PSMA1: variants seen among roughly 807,000 people sequenced by gnomAD.
PSMA1 encodes the protein proteasome subunit alpha type-1.
Under a neutral mutation model 38.4 loss-of-function variants are expected in PSMA1, and 3 were observed. The ratio of observed to expected loss-of-function variants is 0.08; its 90% CI spans 0.04 to 0.20. PSMA1 has a LOEUF of 0.20. Among genes scored for constraint, PSMA1 ranks in the 10% least tolerant of loss-of-function variants. The pLI, the probability that PSMA1 is intolerant of heterozygous loss-of-function variation, is 1.00. For synonymous variants in PSMA1, 101 were observed against 107.1 expected (o/e 0.94, Z 0.35); for missense variants, 227 against 325.3 (o/e 0.70, Z 2.32).
At chr11:14,585,447 T>A (rs1852333634) in intron 2 of PSMA1, among the ~76,000 whole-genome samples, 1 of 152,240 alleles carries the variant, frequency 6.6e-6, no homozygotes, top group African/African-American at 2.4e-5. Flanking sequence ...TAGGAAACAT[T>A]GTGAAGGATG....
chr11:14,529,635 T>A (rs997331555), intron 2 of PSMA1, among the ~76,000 whole-genome samples: 7 of 152,248 alleles, frequency 4.6e-5, no homozygotes, highest in African/African-American at 1.2e-4. Flanking sequence ...GCTTGGCAGA[T>A]GTTTACAGTT....
chr11:14,637,400 T>C (rs1853123369), intron 1 of PSMA1, among the ~76,000 whole-genome samples: 1 of 152,254 alleles, frequency 6.6e-6, no homozygotes, highest in Non-Finnish European at 1.5e-5. Flanking sequence ...CATTTTGCAC[T>C]GTACTGCATT....
In PSMA1 at chr11:14,517,985, A is replaced by C; in HGVS notation, c.49-4T>G. The C allele has an allele frequency of 6.4e-7, 1 of 1,569,662 alleles. No homozygotes were observed. Among genetic ancestry groups the C allele is most frequent in the Non-Finnish European group, 8.6e-7 (1 of 1,161,028 alleles). ...ATTCAATTTGATGAATCCTGCCCTA[A>C]AGAAAAAAAAAACAAAAAACACACA... On this transcript the variant is annotated splice_region_variant and splice_polypyrimidine_tract_variant and intron_variant, in intron 2 of 9. Coordinates refer to ENST00000396394, the MANE Select transcript of PSMA1 (RefSeq NM_002786.4).
At chr11:14,579,192 T>G (rs912825468) in intron 2 of PSMA1, among the ~76,000 whole-genome samples, 35 of 152,328 alleles carry the variant, frequency 2.3e-4, no homozygotes, top group African/African-American at 7.0e-4. Flanking sequence ...CATAAATCTA[T>G]CCTTTTACTA....
chr11:14,618,221 T>C (rs1347072579), intron 1 of PSMA1, among the ~76,000 whole-genome samples: 2 of 152,224 alleles, frequency 1.3e-5, no homozygotes, highest in Non-Finnish European at 2.9e-5. Context: ...TATCCTGCTT[T>C]TCTAGCTTGT....
At chr11:14,634,773 T>A (rs1157959918) in intron 1 of PSMA1, among the ~76,000 whole-genome samples, 1 of 152,216 alleles carries the variant, frequency 6.6e-6, no homozygotes, top group Non-Finnish European at 1.5e-5. Context: ...AGCTAATATA[T>A]CCCTTCATTC....
chr11:14,548,001 A>C (rs1371152899), intron 2 of PSMA1, among the ~76,000 whole-genome samples: 2 of 151,702 alleles, frequency 1.3e-5, no homozygotes, highest in African/African-American at 2.4e-5. Context: ...CAAGATCCTG[A>C]GAGATCACTA....
At chr11:14,517,596 C>T (rs1015456180) in intron 4 of PSMA1, 46 bp downstream of exon 4, 10 of 1,402,836 alleles carry the variant, frequency 7.1e-6, no homozygotes, top group Non-Finnish European at 7.8e-6. Context: ...GAAAACTAAT[C>T]AATTATGAAA....
rs113848673 is a variant in PSMA1 at position 14,603,160 on chromosome 11, T to C, written c.21+7806A>G. Among the ~76,000 whole-genome samples the C allele has an allele frequency of 5.8e-3, 884 of 152,292 alleles. 9 individuals are homozygous for C. Among genetic ancestry groups the C allele is most frequent in the African/African-American group, 0.02 (849 of 41,552 alleles). On this transcript the variant is annotated intron_variant, in intron 2 of 10. Transcript: ENST00000418988. ...GACATTTCCTGCTCCCTCTTATTCC[T>C]CTCACTGTTTTAACCCTGGAGGATC...
intron 2 of PSMA1, 127 bp from the exon 3 acceptor site, chr11:14,518,108 T>G: frequency 3.2e-6 from 2 of 626,272 alleles, no homozygotes. Flanking sequence ...AAGAGACCTT[T>G]TTTTTTTTTT....
chr11:14,514,283 G>C, intron 5 of PSMA1, 120 bp downstream of exon 5: 1 of 1,388,926 alleles, frequency 7.2e-7, no homozygotes, highest in Non-Finnish European at 9.3e-7. Flanking sequence ...AATCCAATTT[G>C]TTGTTTTAAA....
At chr11:14,520,946 C>T (rs945794790), upstream of PSMA1, among the ~76,000 whole-genome samples, 2 of 152,156 alleles carry the variant, frequency 1.3e-5, no homozygotes, top group Non-Finnish European at 2.9e-5. Context: ...GGTCTGTTGT[C>T]GTTAACCCCT....
intron 1 of PSMA1, among the ~76,000 whole-genome samples, chr11:14,639,043 T>A (rs1370735280): frequency 6.6e-6 from 1 of 152,184 alleles, no homozygotes; most frequent in Non-Finnish European, 1.5e-5. Context: ...AGTATAATAG[T>A]AAATTTGTGT....
rs541325908 is a variant in PSMA1 at position 14,534,904 on chromosome 11, C to T, written c.22-15863G>A. 9.2e-5 allele frequency among the ~76,000 whole-genome samples: 14 copies of T among 152,178 alleles called. No homozygotes were observed. The highest frequency in any genetic ancestry group is 5.9e-4 in the Admixed American group (9 of 15,286). ...CAGCCTGGCCAACATGGCAAAACCC[C>T]GTCTCTACTAAAAATACAAAATTAG... On this transcript the variant is annotated intron_variant, in intron 2 of 10. Transcript: ENST00000418988. The surrounding 1 kb of genome is among the most constrained non-coding windows in gnomAD (Gnocchi z 4.5).
At chr11:14,603,932 A>G (rs1368283782) in intron 2 of PSMA1, among the ~76,000 whole-genome samples, 3 of 152,358 alleles carry the variant, frequency 2.0e-5, no homozygotes. Context: ...TTCCTTTACA[A>G]GAGAAAAAAG....
At chr11:14,596,324 T>G (rs995819476) in intron 2 of PSMA1, among the ~76,000 whole-genome samples, 1 of 152,216 alleles carries the variant, frequency 6.6e-6, no homozygotes, top group African/African-American at 2.4e-5. Context: ...AATCTATAAA[T>G]TACTTTGGGC....
At chr11:14,529,811 T>C (rs750492188) in intron 2 of PSMA1, among the ~76,000 whole-genome samples, 10 of 152,226 alleles carry the variant, frequency 6.6e-5, no homozygotes, top group Non-Finnish European at 1.0e-4. Flanking sequence ...CCCAGCTTTT[T>C]TTCTGTGGAA....
intron 1 of PSMA1, among the ~76,000 whole-genome samples, chr11:14,620,226 G>T (rs573616154): frequency 6.6e-6 from 1 of 152,096 alleles, no homozygotes; most frequent in South Asian, 2.1e-4. Context: ...TAACTTTATA[G>T]GGTCCTAAGC....
intron 1 of PSMA1, among the ~76,000 whole-genome samples, chr11:14,623,486 A>G (rs1395255061): frequency 6.6e-6 from 1 of 152,238 alleles, no homozygotes; most frequent in Non-Finnish European, 1.5e-5. Flanking sequence ...GAAATAGCCA[A>G]TGTCCTGGCT....
Sources: allele counts gnomAD v4.1 joint callset (sites outside exome capture counted in the v4.1 genomes callset), GRCh38; gene constraint gnomAD v4.1.1; non-coding constraint Gnocchi (gnomAD v3.1); transcripts MANE v1.5; gene names NCBI Gene and HGNC (gene_info 2026-07-23, HGNC 2026-07-21).